Variants in DPEP2 observed in about 807,000 individuals in gnomAD.
The protein encoded by DPEP2 is dipeptidase 2.
DPEP2 carries 45 observed loss-of-function variants against 51.8 expected under a neutral mutation model. That is an observed-to-expected ratio of 0.87 (90% CI 0.68 to 1.11). The LOEUF is 1.11. DPEP2 is among the 50% of genes most tolerant of loss of function. The pLI is 0.00. For synonymous variants in DPEP2, 255 were observed against 262.7 expected, an observed-to-expected ratio of 0.97 and a Z score of 0.28; for missense variants, 604 against 631.9, an observed-to-expected ratio of 0.96 and a Z score of 0.47.
intron 2 of DPEP2, 27 bp from the exon 3 acceptor site, chr16:67,992,663 G>A (rs765579802): frequency 5.6e-6 from 9 of 1,606,718 alleles, no homozygotes; most frequent in Non-Finnish European, 7.7e-6. Flanking sequence ...CCAGGGTCAG[G>A]TGAAGAACAG....
chr16:67,996,358 ATTTTTTTTCTT>A (rs10527563), intron 1 of DPEP2, among the ~76,000 whole-genome samples: 33,132 of 151,036 alleles, frequency 0.22, 3,841 homozygotes, highest in Middle Eastern at 0.3. Flanking sequence ...AACTTTTTGA[ATTTTTTTTCTT>A]TTTTTTTTGA....
chr16:67,992,944 A>T lies in DPEP2; in HGVS notation c.263+6T>A, dbSNP rs770396427. ...CTCCCATCGCCCCCTTGCAGCAATT[A>T]CGCACCCGTCCACGAGCGGGAAGTC... On this transcript the variant is annotated splice_donor_region_variant and intron_variant, in intron 2 of 10. Transcript: ENST00000393847. The T allele has an allele frequency of 6.2e-7, 1 of 1,608,282 alleles. No individual in the cohort carries two copies. The highest frequency in any genetic ancestry group is 8.5e-7 in the Non-Finnish European group (1 of 1,177,348).
chr16:67,992,306 T>C (rs2032274243), intron 3 of DPEP2, 113 bp from the exon 4 acceptor site: 1 of 1,468,130 alleles, frequency 6.8e-7, no homozygotes, highest in Non-Finnish European at 9.2e-7. Flanking sequence ...CCACATGTAA[T>C]GTACTGCTTC....
rs757925580 is a variant in DPEP2, at chr16:67,987,415, T to A, written c.*91A>T. ...TCTGTTTCTATGTCCAAAACATTTA[T>A]TTCAGGAAATATTTGTGCCTGCACA... On this transcript the variant is annotated 3_prime_UTR_variant, in exon 11 of 11. Transcript: ENST00000393847. 4.6e-6 allele frequency: 7 copies of A among 1,508,712 alleles called. No homozygotes were observed. The Admixed American group carries it at 6.1e-5, about 13-fold the overall frequency. 93.5% of individuals were successfully genotyped at this position (1,508,712 alleles called of 1,614,324 possible).
At chr16:67,995,761 C>G (rs8059904) in intron 1 of DPEP2, among the ~76,000 whole-genome samples, 1 of 152,044 alleles carries the variant, frequency 6.6e-6, no homozygotes, top group African/African-American at 2.4e-5. Flanking sequence ...GTCAGGAGTT[C>G]GAGACCAGCT....
Position 67,991,082 on chromosome 16 carries a change from T to C in DPEP2, c.732+33A>G. On this transcript the variant is annotated intron_variant, in intron 6 of 10. Coordinates refer to ENST00000393847, the MANE Select transcript of DPEP2 (RefSeq NM_022355.4). The surrounding 1 kb of genome is among the most constrained non-coding windows in gnomAD (Gnocchi z 5.1). ...AAGAAACAGCTGGGGTGTGCACATT[T>C]GTTTGGGGTGGAGTGTGAACCAGGG... 1 of 1,613,790 alleles carries C rather than the reference T, an allele frequency of 6.2e-7. No individual in the cohort carries two copies. The highest frequency in any genetic ancestry group is 2.2e-5 in the East Asian group (1 of 44,888).
intron 8 of DPEP2, 73 bp downstream of exon 8, chr16:67,989,974 G>A: frequency 1.3e-6 from 2 of 1,510,452 alleles, no homozygotes; most frequent in Non-Finnish European, 1.8e-6. Flanking sequence ...AAACCACTGG[G>A]ACAGTCCTGG....
chr16:67,995,003 C>T, intron 1 of DPEP2: 3 of 583,550 alleles, frequency 5.1e-6, no homozygotes, highest in Non-Finnish European at 6.5e-6. Context: ...TGGGTTCAAG[C>T]GATTCTTGTG....
intron 1 of DPEP2, chr16:67,993,589 C>CT: frequency 2.0e-6 from 2 of 1,011,278 alleles, no homozygotes; most frequent in Non-Finnish European, 2.4e-6. Context: ...GGCTCTCTCT[C>CT]TAAGAGAGAG....
At chr16:67,990,279 G>A (rs2031966121) in intron 7 of DPEP2, 148 bp from the exon 8 acceptor site, 2 of 704,610 alleles carry the variant, frequency 2.8e-6, no homozygotes, top group South Asian at 3.5e-5. Flanking sequence ...TATGAAGGGA[G>A]GAGTCTAGGC....
At chr16:67,997,546 C>A (rs1475417182) in intron 1 of DPEP2, among the ~76,000 whole-genome samples, 1 of 151,866 alleles carries the variant, frequency 6.6e-6, no homozygotes, top group Admixed American at 6.6e-5. Flanking sequence ...TTAGTAGAGA[C>A]GGGGTTTCAC....
rs755955908 is a variant in DPEP2 at position 67,995,137 on chromosome 16, C to A, written c.-45-1880G>T. Among the ~76,000 whole-genome samples the A allele has an allele frequency of 3.9e-5, 6 of 151,922 alleles. 1 individual carries two copies. On this transcript the variant is annotated intron_variant, in intron 1 of 10. Transcript: ENST00000393847. ...CTGGTCTCGAACTCCTGGTCTCAAG[C>A]AATCTGCCTGCCTCAGCCTCCCAAA...
upstream of DPEP2, chr16:67,999,686 C>T (rs2032916953): frequency 6.2e-6 from 1 of 162,530 alleles, no homozygotes; most frequent in Admixed American, 6.6e-5. Flanking sequence ...ATTTGAAGGT[C>T]GAGGTGAGAG....
chr16:67,988,740 A>AC (rs1206937337), intron 9 of DPEP2, among the ~76,000 whole-genome samples: 1 of 152,032 alleles, frequency 6.6e-6, no homozygotes, highest in Non-Finnish European at 1.5e-5. Flanking sequence ...GCAACACGAG[A>AC]CCCCATCTCT....
intron 7 of DPEP2, 52 bp from the exon 8 acceptor site, chr16:67,990,183 T>C: frequency 6.4e-7 from 1 of 1,570,688 alleles, no homozygotes. Flanking sequence ...CAAACTGCAT[T>C]CCTGCCCTGC....
chr16:67,993,039 G>A lies in DPEP2; in HGVS notation c.174C>T (p.Tyr58=), dbSNP rs1180103189. 3.2e-6 allele frequency: 5 copies of A among 1,584,984 alleles called. No individual in the cohort carries two copies. The highest frequency in any genetic ancestry group is 1.3e-5 in the African/African-American group (1 of 74,378). ...APRAHTMPGT[Y]APSTTLSSPS... ...GACTACTGAGTGTGGTCGAGGGAGC[G>A]TAGGTGCCCGGCATGGTGTGGGCTC... Residue 58 remains tyrosine (Y), a synonymous_variant, in exon 2 of 11, where the codon TAC becomes TAT. Transcript: ENST00000393847.
chr16:67,990,230 A>G (rs751666681), intron 7 of DPEP2, 99 bp from the exon 8 acceptor site: 100 of 1,133,948 alleles, frequency 8.8e-5, no homozygotes, highest in Non-Finnish European at 1.1e-4. Flanking sequence ...TTCAGCTCTG[A>G]CTTCAGGAGT....
chr16:67,993,209 G>A lies in DPEP2; in HGVS notation c.4C>T (p.Gln2Ter). 6.8e-7 allele frequency: 1 copy of A among 1,464,372 alleles called. No individual in the cohort carries two copies. The highest frequency in any genetic ancestry group is 2.6e-5 in the Admixed American group (1 of 38,390). The allele number at this position is 1,464,372 out of a possible 1,614,324, so 90.7% of individuals were successfully genotyped here. Residue 2 changes from glutamine to a stop codon, truncating the protein, a stop_gained, in exon 2 of 11, where the codon CAG (glutamine) becomes TAG (stop). Transcript: ENST00000393847. LOFTEE classifies it high-confidence loss of function. ...CCGGGACCCTCGAGGCCGGAGGGCT[G>A]CATGTTGTGCAGGGCCGGGCAGGCA... M[Q>*]PSGLEGPGTF...
chr16:67,988,029 G>T, intron 9 of DPEP2, 42 bp from the exon 10 acceptor site: 1 of 1,613,314 alleles, frequency 6.2e-7, no homozygotes, highest in South Asian at 1.1e-5. Context: ...CTGATTCCCT[G>T]ATCATGACTC....
Sources: allele counts gnomAD v4.1 joint callset (sites outside exome capture counted in the v4.1 genomes callset), GRCh38; gene constraint gnomAD v4.1.1; non-coding constraint Gnocchi (gnomAD v3.1); transcripts MANE v1.5; gene names NCBI Gene and HGNC (gene_info 2026-07-23, HGNC 2026-07-21).